The following SLC47A2 variants were observed in gnomAD, a reference collection of about 807,000 sequenced individuals.
SLC47A2 encodes the protein solute carrier family 47 member 2, also known as multidrug and toxin extrusion protein 2.
A neutral mutation model predicts 67.7 loss-of-function variants in SLC47A2; 52 were observed. The ratio of observed to expected loss-of-function variants is 0.77; its 90% CI spans 0.61 to 0.97. The LOEUF is 0.97. Ranked by LOEUF, SLC47A2 falls within the 50% of genes least tolerant of loss-of-function variation. The probability of loss-of-function intolerance (pLI) is 0.00; values close to 1 mark genes in which losing one functional copy is unlikely to be tolerated. For missense variants in SLC47A2, 676 were observed against 712.3 expected (o/e 0.95, Z 0.58); for synonymous variants, 278 against 292.9 (o/e 0.95, Z 0.52).
At chr17:19,701,167 CA>C (rs35086555) in intron 13 of SLC47A2, among the ~76,000 whole-genome samples, 3,939 of 64,954 alleles carry the variant, frequency 0.061, 45 homozygotes, top group Admixed American at 0.11. Flanking sequence ...GACTCTGTCT[CA>C]AAAAAAAAAA....
intron 13 of SLC47A2, among the ~76,000 whole-genome samples, chr17:19,684,478 T>G (rs1242431008): frequency 1.3e-5 from 2 of 151,852 alleles, no homozygotes; most frequent in African/African-American, 2.4e-5. Flanking sequence ...GGGAGAAAGG[T>G]CTCGAATCAA....
At chr17:19,713,624 GT>G (rs1224826089) in intron 4 of SLC47A2, among the ~76,000 whole-genome samples, 200 bp downstream of exon 4, 1 of 152,248 alleles carries the variant, frequency 6.6e-6, no homozygotes, top group East Asian at 1.9e-4. Flanking sequence ...GTCCGCCTCT[GT>G]CCCTGCTGGT....
chr17:19,682,191 C>G (rs2085328923), intron 13 of SLC47A2, among the ~76,000 whole-genome samples: 1 of 152,022 alleles, frequency 6.6e-6, no homozygotes, highest in Non-Finnish European at 1.5e-5. Context: ...AATGGTGAAA[C>G]CCCATCTCTA....
upstream of SLC47A2, chr17:19,716,617 C>T (rs912568688): frequency 6.7e-6 from 10 of 1,496,224 alleles, no homozygotes; most frequent in East Asian, 2.5e-5. Flanking sequence ...CTTTGTCCAG[C>T]GAGCCACCCC....
At chr17:19,700,700 G>C (rs1247462217) in intron 13 of SLC47A2, among the ~76,000 whole-genome samples, 2 of 151,334 alleles carry the variant, frequency 1.3e-5, no homozygotes, top group Admixed American at 6.6e-5. Flanking sequence ...AGGTGGTCGA[G>C]GCTGCAGTGA....
intron 13 of SLC47A2, among the ~76,000 whole-genome samples, chr17:19,696,542 C>T (rs867054336): frequency 2.6e-5 from 4 of 151,820 alleles, no homozygotes; most frequent in Admixed American, 6.6e-5. Flanking sequence ...AAAAGATGAC[C>T]ATCTACAATC....
intron 13 of SLC47A2, among the ~76,000 whole-genome samples, chr17:19,701,104 G>T (rs2085774764): frequency 6.7e-6 from 1 of 148,706 alleles, no homozygotes; most frequent in African/African-American, 2.5e-5. Flanking sequence ...GGAGGTGGAG[G>T]TTGCAGTGAA....
rs753008732 is a variant in SLC47A2, at chr17:19,681,343, G to A, written c.1392+24C>T. 3.8e-6 allele frequency: 6 copies of A among 1,565,766 alleles called. No individual in the cohort carries two copies. In the East Asian group the frequency reaches 1.4e-4, roughly 36 times the overall value. On this transcript the variant is annotated intron_variant, in intron 15 of 16. Transcript: ENST00000433844. ...GGGGTCAGGTGCAGGGTGTCTTGTG[G>A]CCAGGGTCAGCTGACCCACTTACCT...
rs974809095 is a variant in SLC47A2, at chr17:19,685,870, A to G, written c.1165-4200T>C. Among the ~76,000 whole-genome samples the G allele has an allele frequency of 1.3e-5, 2 of 152,200 alleles. No homozygotes were observed. Among genetic ancestry groups the G allele is most frequent in the African/African-American group, 4.8e-5 (2 of 41,468 alleles). On this transcript the variant is annotated intron_variant, in intron 13 of 16. Transcript: ENST00000433844. This position sits in a 1 kb window ranked among gnomAD's most constrained non-coding sequence, Gnocchi z 4.5. ...GTGTAAGATATAAATAGAAACAACA[A>G]AGTTAAGAAACAGCAGGGGATGAAG...
At chr17:19,693,860 T>C (rs973668762) in intron 13 of SLC47A2, among the ~76,000 whole-genome samples, 1 of 152,054 alleles carries the variant, frequency 6.6e-6, no homozygotes, top group Non-Finnish European at 1.5e-5. Context: ...GAAGTAAAAG[T>C]GTCTATTCAC....
chr17:19,681,702 A>G (rs374758167), intron 13 of SLC47A2, 32 bp from the exon 14 acceptor site: 2 of 1,590,870 alleles, frequency 1.3e-6, no homozygotes, highest in Non-Finnish European at 8.6e-7. Flanking sequence ...GGCAAGAGTC[A>G]GGATGATGAG....
chr17:19,714,659 G>A (rs528297847), intron 3 of SLC47A2, 62 bp downstream of exon 3: 1 of 1,593,440 alleles, frequency 6.3e-7, no homozygotes, highest in East Asian at 2.2e-5. Context: ...CATCTCCATG[G>A]CACCTGTGGA....
At chr17:19,706,348 C>T (rs527333763) in intron 9 of SLC47A2, among the ~76,000 whole-genome samples, 4 of 152,342 alleles carry the variant, frequency 2.6e-5, no homozygotes, top group African/African-American at 4.8e-5. Context: ...CCACCTCCCA[C>T]GGGCACCTGC....
At chr17:19,713,721 G>T in intron 4 of SLC47A2, 104 bp downstream of exon 4, 1 of 1,480,218 alleles carries the variant, frequency 6.8e-7, no homozygotes, top group Non-Finnish European at 9.1e-7. Context: ...GAGCACTCGT[G>T]GCCTAGAGAA....
intron 13 of SLC47A2, chr17:19,692,353 A>G: frequency 2.4e-6 from 1 of 411,572 alleles, no homozygotes; most frequent in East Asian, 7.9e-5. Context: ...TCAGAAATGA[A>G]AATGAGAGCA....
chr17:19,681,571 G>C lies in SLC47A2; in HGVS notation c.1264C>G (p.Leu422Val). ...YYIIGLPLGI[L>V]LTFVVRMRIM... is the part of the protein sequence containing the mutation. ...CTCATTCTGACCACAAAGGTCAGAAGGATGCCCAGTGGTAGGCCGATGATG... is the reference window on the plus strand; with the variant it reads ...CTCATTCTGACCACAAAGGTCAGAACGATGCCCAGTGGTAGGCCGATGATG... Residue 422 changes from leucine (L) to valine (V), a missense_variant, in exon 14 of 17, where the codon CTT (leucine) becomes GTT (valine). Transcript: ENST00000433844. 6.2e-7 allele frequency: 1 copy of C among 1,614,186 alleles called. No homozygotes were observed. The highest frequency in any genetic ancestry group is 8.5e-7 in the Non-Finnish European group (1 of 1,180,036).
Position 19,702,623 on chromosome 17 carries a change from G to C in SLC47A2, c.1146C>G (p.His382Gln), listed in dbSNP as rs79276977. 6.2e-7 allele frequency: 1 copy of C among 1,613,910 alleles called. No homozygotes were observed. Among genetic ancestry groups the C allele is most frequent in the South Asian group, 1.1e-5 (1 of 90,998 alleles). The change falls in exon 13 of 17, where the codon CAC (histidine) becomes CAG (glutamine). Residue 382 changes from histidine to glutamine, a missense_variant. Transcript: ENST00000433844. Reference protein sequence around the residue: ...SQVLPVYSVFHVFEAICCVYG... With the variant: ...SQVLPVYSVFQVFEAICCVYG... ...TACTTACACAGATGGCCTCAAACACGTGAAAGACACTATAAACCGGCAAGA... is the reference window on the plus strand; with the variant it reads ...TACTTACACAGATGGCCTCAAACACCTGAAAGACACTATAAACCGGCAAGA...
In SLC47A2 at chr17:19,685,679, C is replaced by T. The variant is rs1193762483; in HGVS notation, c.1165-4009G>A. Among the ~76,000 whole-genome samples the T allele has an allele frequency of 6.6e-6, 1 of 152,194 alleles. No individual in the cohort carries two copies. Among genetic ancestry groups the T allele is most frequent in the Admixed American group, 6.5e-5 (1 of 15,278 alleles). On this transcript the variant is annotated intron_variant, in intron 13 of 16. Coordinates refer to ENST00000433844, the MANE Select transcript of SLC47A2 (RefSeq NM_001099646.3). The surrounding 1 kb of genome is among the most constrained non-coding windows in gnomAD (Gnocchi z 4.5). The stretch of plus-strand genomic sequence containing the variant: ...CAAACAGGGCCGAAGGCCGCAGGGA[C>T]CTCTGCCTAGGAAAACCAGAGACCT...
chr17:19,715,209 G>A lies in SLC47A2; in HGVS notation c.132C>T (p.Phe44=), dbSNP rs1209787018. The A allele has an allele frequency of 6.2e-7, 1 of 1,609,878 alleles. No homozygotes were observed. The highest frequency in any genetic ancestry group is 1.7e-5 in the Admixed American group (1 of 60,030). The part of the protein sequence containing the change: ...LFALSGPLFL[F]QVLTFMIYIV... Reference sequence around the variant, plus strand: ...TGTAGATCATAAAAGTCAGCACCTGGAACAGGAACTGGAGGACAGCGGCCA... The same window carrying A: ...TGTAGATCATAAAAGTCAGCACCTGAAACAGGAACTGGAGGACAGCGGCCA... Residue 44 remains phenylalanine (F), a synonymous_variant, in exon 2 of 17, where the codon TTC becomes TTT. Transcript: ENST00000433844.
Sources: allele counts gnomAD v4.1 joint callset (sites outside exome capture counted in the v4.1 genomes callset), GRCh38; gene constraint gnomAD v4.1.1; non-coding constraint Gnocchi (gnomAD v3.1); transcripts MANE v1.5; gene names NCBI Gene and HGNC (gene_info 2026-07-23, HGNC 2026-07-21).